NXN: variants seen among roughly 807,000 people sequenced by gnomAD.
NXN encodes nucleoredoxin.
A neutral mutation model predicts 48.6 loss-of-function variants in NXN; 16 were observed. The ratio of observed to expected loss-of-function variants is 0.33; its 90% CI spans 0.22 to 0.50. The LOEUF (loss-of-function observed/expected upper bound fraction) is 0.50. Among genes scored for constraint, NXN ranks in the 20% least tolerant of loss-of-function variants. The pLI is 0.98. For missense variants in NXN, 492 were observed against 605.5 expected, an observed-to-expected ratio of 0.81 and a Z score of 1.97; for synonymous variants, 281 against 269.6, an observed-to-expected ratio of 1.04 and a Z score of -0.41.
chr17:893,082 G>A (rs2068440375), intron 1 of NXN, among the ~76,000 whole-genome samples: 1 of 152,228 alleles, frequency 6.6e-6, no homozygotes, highest in South Asian at 2.1e-4. Context: ...GTCTTCAGAC[G>A]TTTGCCTATG....
At chr17:843,409 C>G (rs1327144000) in intron 1 of NXN, among the ~76,000 whole-genome samples, 1 of 152,218 alleles carries the variant, frequency 6.6e-6, no homozygotes, top group East Asian at 1.9e-4. Flanking sequence ...GCCGACACCA[C>G]AGACGGAGGG....
chr17:964,365 CAAGA>C (rs1405434132), intron 1 of NXN, among the ~76,000 whole-genome samples: 1 of 152,158 alleles, frequency 6.6e-6, no homozygotes, highest in East Asian at 1.9e-4. Context: ...AATTTCTTCA[CAAGA>C]AAGAAGGGCT....
intron 5 of NXN, among the ~76,000 whole-genome samples, chr17:811,963 T>C (rs928890089): frequency 1.2e-4 from 18 of 144,526 alleles, no homozygotes; most frequent in Non-Finnish European, 2.1e-4. Context: ...AGTCTCGCTC[T>C]GTCGCCCAGG....
rs1180222664 is a variant in NXN at position 956,998 on chromosome 17, C to T, written c.360+22321G>A. 6.6e-6 allele frequency among the ~76,000 whole-genome samples: 1 copy of T among 152,144 alleles called. No homozygotes were observed. Among genetic ancestry groups the T allele is most frequent in the Non-Finnish European group, 1.5e-5 (1 of 68,032 alleles). ...ATTTATAGGTATATATATTTCATGC[C>T]TTATCTCCCCAGCTTAATTATAAAC... On this transcript the variant is annotated intron_variant, in intron 1 of 7. Coordinates refer to ENST00000336868, the MANE Select transcript of NXN (RefSeq NM_022463.5). The surrounding 1 kb of genome is among the most constrained non-coding windows in gnomAD (Gnocchi z 4.1).
intron 6 of NXN, 131 bp from the exon 7 acceptor site, chr17:803,937 C>T (rs897235750): frequency 3.3e-5 from 39 of 1,174,764 alleles, no homozygotes; most frequent in Non-Finnish European, 3.9e-5. Flanking sequence ...AAATGAACTT[C>T]CCCTTGGATG....
chr17:961,612 G>A (rs977145538), intron 1 of NXN, among the ~76,000 whole-genome samples: 1 of 152,120 alleles, frequency 6.6e-6, no homozygotes, highest in Non-Finnish European at 1.5e-5. Flanking sequence ...GACTAATTCA[G>A]ATCATATTCT....
chr17:817,403 C>T (rs1380308830), intron 5 of NXN, among the ~76,000 whole-genome samples: 1 of 152,208 alleles, frequency 6.6e-6, no homozygotes, highest in Middle Eastern at 3.2e-3. Context: ...GACGTGGTGG[C>T]TCACGCCTGT....
rs547876472 is a variant in NXN, at chr17:900,252, C to A, written c.361-74174G>T. The stretch of plus-strand genomic sequence containing the variant: ...TTGCACTCCAGCCTGGGCAACAAGA[C>A]CGAAACTCCGTCTCAAAACAAAAAA... On this transcript the variant is annotated intron_variant, in intron 1 of 7. Transcript: ENST00000336868. Among the ~76,000 whole-genome samples, 144 of 146,510 alleles carry A rather than the reference C, an allele frequency of 9.8e-4. 1 individual carries two copies. Among genetic ancestry groups the A allele is most frequent in the African/African-American group, 3.5e-3 (137 of 39,322 alleles).
intron 1 of NXN, among the ~76,000 whole-genome samples, chr17:845,424 A>C (rs1212024520): frequency 1.3e-5 from 2 of 151,908 alleles, no homozygotes; most frequent in Non-Finnish European, 2.9e-5. Flanking sequence ...ACCCTTCTAG[A>C]ATCCTACCGT....
Position 823,489 on chromosome 17 carries a change from A to G in NXN, c.612+143T>C, listed in dbSNP as rs1464951632. On this transcript the variant is annotated intron_variant, in intron 3 of 7. Coordinates refer to ENST00000336868, the MANE Select transcript of NXN (RefSeq NM_022463.5). The stretch of plus-strand genomic sequence containing the variant: ...CATTCATAATCATAAGCACTATTCA[A>G]CCAGGCCTCGGGCACAGGAGAAGGC... The G allele has an allele frequency of 4.9e-6, 4 of 809,944 alleles. No homozygotes were observed. The Admixed American group carries it at 1.1e-4, about 22-fold the overall frequency. 50.2% of individuals were successfully genotyped at this position (809,944 alleles called of 1,614,324 possible).
intron 1 of NXN, among the ~76,000 whole-genome samples, chr17:856,096 G>A (rs1231269394): frequency 1.3e-5 from 2 of 152,118 alleles, no homozygotes; most frequent in African/African-American, 4.8e-5. Flanking sequence ...TGGAGGCTGA[G>A]GCAGGAGAAT....
chr17:853,721 A>ATTTTTT (rs762003466), intron 1 of NXN, among the ~76,000 whole-genome samples: 21 of 105,142 alleles, frequency 2.0e-4, no homozygotes, highest in African/African-American at 9.1e-4. Flanking sequence ...ATATATATAT[A>ATTTTTT]TATTTTTTTT....
intron 1 of NXN, among the ~76,000 whole-genome samples, chr17:960,178 C>T (rs1567520525): frequency 6.6e-6 from 1 of 152,190 alleles, no homozygotes; most frequent in Non-Finnish European, 1.5e-5. Flanking sequence ...CCACCTAACA[C>T]AACAGTAAGC....
intron 1 of NXN, among the ~76,000 whole-genome samples, chr17:922,517 G>A (rs1343362149): frequency 2.0e-5 from 3 of 152,240 alleles, no homozygotes; most frequent in South Asian, 4.1e-4. Flanking sequence ...AAATCTAAGC[G>A]TACATTCCAA....
intron 1 of NXN, among the ~76,000 whole-genome samples, chr17:930,601 A>C (rs1597250835): frequency 6.6e-6 from 1 of 152,254 alleles, no homozygotes; most frequent in East Asian, 1.9e-4. Context: ...AAGGTACAAA[A>C]AATAGGAAGG....
chr17:852,984 CT>C (rs907501832), intron 1 of NXN, among the ~76,000 whole-genome samples: 65 of 146,510 alleles, frequency 4.4e-4, no homozygotes, highest in East Asian at 1.0e-3. Context: ...TAAATTTTTT[CT>C]TTTTTTTTTT....
intron 1 of NXN, among the ~76,000 whole-genome samples, chr17:838,628 A>G (rs1913961824): frequency 6.6e-6 from 1 of 152,192 alleles, no homozygotes; most frequent in African/African-American, 2.4e-5. Context: ...TACGTTACAT[A>G]TATTTGGCCA....
chr17:801,958 TGG>T (rs1911237507), intron 7 of NXN, among the ~76,000 whole-genome samples: 1 of 152,232 alleles, frequency 6.6e-6, no homozygotes, highest in Non-Finnish European at 1.5e-5. Context: ...TTAAGCACTG[TGG>T]AAGCTTACGC....
intron 1 of NXN, among the ~76,000 whole-genome samples, chr17:976,891 C>T (rs550578756): frequency 6.6e-6 from 1 of 152,154 alleles, no homozygotes; most frequent in East Asian, 1.9e-4. Flanking sequence ...CTCAGCCTCC[C>T]TAGTAGCTGG....
Sources: gnomAD v4.1 joint callset for allele counts (sites outside exome capture counted in the v4.1 genomes callset) on GRCh38, gnomAD v4.1.1 for gene constraint, Gnocchi (gnomAD v3.1) non-coding constraint, MANE v1.5 for transcripts, NCBI Gene and HGNC (gene_info 2026-07-23, HGNC 2026-07-21) for gene names.